AKT3: variants seen among roughly 807,000 people sequenced by gnomAD.
AKT3 encodes RAC-gamma serine/threonine-protein kinase.
A neutral mutation model predicts 65.3 loss-of-function variants in AKT3; 15 were observed. That is an observed-to-expected ratio of 0.23 (90% confidence interval 0.15 to 0.35). The LOEUF is 0.35. Ranked by LOEUF, AKT3 falls within the 10% of genes least tolerant of loss-of-function variation. The pLI, the probability that AKT3 is intolerant of heterozygous loss-of-function variation, is 1.00. For synonymous variants in AKT3, 206 were observed against 183.8 expected, an observed-to-expected ratio of 1.12 and a Z score of -0.98; for missense variants, 243 against 576.5, an observed-to-expected ratio of 0.42 and a Z score of 5.92.
At chr1:243,786,348 G>C (rs993008888) in intron 2 of AKT3, among the ~76,000 whole-genome samples, 2 of 152,114 alleles carry the variant, frequency 1.3e-5, no homozygotes, top group African/African-American at 4.8e-5. Context: ...GAAAATAGAA[G>C]TAAAAATTTC....
At chr1:243,789,063 A>T (rs891777904) in intron 2 of AKT3, among the ~76,000 whole-genome samples, 7 of 152,200 alleles carry the variant, frequency 4.6e-5, no homozygotes, top group African/African-American at 1.7e-4. Flanking sequence ...TCAAGAAACC[A>T]CCTACTTTGC....
At chr1:243,653,414 G>A (rs1244378607) in intron 4 of AKT3, among the ~76,000 whole-genome samples, 1 of 152,100 alleles carries the variant, frequency 6.6e-6, no homozygotes, top group African/African-American at 2.4e-5. Context: ...TTCTACCAGA[G>A]GTACAAAGAG....
chr1:243,560,217 T>C (rs1026148006), intron 10 of AKT3, among the ~76,000 whole-genome samples: 28 of 152,270 alleles, frequency 1.8e-4, no homozygotes, highest in African/African-American at 6.7e-4. Context: ...CAGTAATAAC[T>C]GTTTTCCATG....
chr1:243,642,456 C>A (rs1368609567), intron 5 of AKT3, among the ~76,000 whole-genome samples: 1 of 152,056 alleles, frequency 6.6e-6, no homozygotes, highest in African/African-American at 2.4e-5. Context: ...ACTACAGGCG[C>A]CCGCCACCAC....
At chr1:243,498,127 G>A (rs1433469749), downstream of AKT3, among the ~76,000 whole-genome samples, 4 of 152,230 alleles carry the variant, frequency 2.6e-5, no homozygotes, top group Non-Finnish European at 5.9e-5. Flanking sequence ...TGGAGCAGGG[G>A]TGGAGGGCCA....
intron 2 of AKT3, among the ~76,000 whole-genome samples, chr1:243,770,502 G>A (rs1690111344): frequency 6.6e-6 from 1 of 151,864 alleles, no homozygotes; most frequent in Admixed American, 6.6e-5. Flanking sequence ...ATCCACCAAT[G>A]TGCCTGTCTG....
At chr1:243,738,797 A>T (rs768608160) in intron 2 of AKT3, among the ~76,000 whole-genome samples, 2 of 152,260 alleles carry the variant, frequency 1.3e-5, no homozygotes, top group Non-Finnish European at 2.9e-5. Context: ...CTAAAAAGCA[A>T]ACATTAAAAA....
At chr1:243,633,385 G>C (rs1207427693) in intron 6 of AKT3, among the ~76,000 whole-genome samples, 4 of 152,112 alleles carry the variant, frequency 2.6e-5, no homozygotes, top group Admixed American at 2.6e-4. Flanking sequence ...AGTTTGTGTT[G>C]TAATACCACT....
intron 8 of AKT3, among the ~76,000 whole-genome samples, chr1:243,588,418 T>C (rs1675957642): frequency 6.6e-6 from 1 of 152,170 alleles, no homozygotes; most frequent in Non-Finnish European, 1.5e-5. Flanking sequence ...AAACCTGAAC[T>C]TACACGAACA....
intron 2 of AKT3, among the ~76,000 whole-genome samples, chr1:243,838,022 C>T (rs1695002001): frequency 6.6e-6 from 1 of 151,786 alleles, no homozygotes; most frequent in South Asian, 2.1e-4. Flanking sequence ...TTTCATGAGA[C>T]TTCAACTTAC....
chr1:243,613,847 G>T, intron 7 of AKT3, 108 bp from the exon 8 acceptor site: 1 of 633,578 alleles, frequency 1.6e-6, no homozygotes, highest in South Asian at 4.7e-5. Context: ...AAGATGAAAA[G>T]AATTGTTATT....
At chr1:243,796,142 C>G (rs921756680) in intron 2 of AKT3, among the ~76,000 whole-genome samples, 4 of 152,338 alleles carry the variant, frequency 2.6e-5, no homozygotes, top group East Asian at 1.9e-4. Flanking sequence ...CACTACCTGT[C>G]CATCTGCTTA....
chr1:243,671,805 G>C (rs1361978422), intron 3 of AKT3, among the ~76,000 whole-genome samples: 1 of 152,114 alleles, frequency 6.6e-6, no homozygotes, highest in African/African-American at 2.4e-5. Flanking sequence ...CAAGACTCAG[G>C]CAAGCTAAAT....
intron 13 of AKT3, among the ~76,000 whole-genome samples, chr1:243,509,662 G>A (rs1455759790): frequency 6.6e-6 from 1 of 151,984 alleles, no homozygotes; most frequent in Non-Finnish European, 1.5e-5. Context: ...TGCTGCGTTG[G>A]GCCTATCATC....
chr1:243,564,918 A>G lies in AKT3; in HGVS notation c.820-1070T>C, dbSNP rs962817985. ...AGAATGTACCTGGACTCTGAAGTTA[A>G]TATCAAATTTAAAACAGATCTCCAC... On this transcript the variant is annotated intron_variant, in intron 9 of 13. Transcript: ENST00000673466. 5.3e-5 allele frequency among the ~76,000 whole-genome samples: 8 copies of G among 151,874 alleles called. No individual in the cohort carries two copies. In the South Asian group the frequency reaches 1.7e-3, roughly 32 times the overall value.
chr1:243,737,858 A>G lies in AKT3; in HGVS notation c.47-42142T>C, dbSNP rs928976892. On this transcript the variant is annotated intron_variant, in intron 2 of 13. Coordinates refer to ENST00000673466, the MANE Select transcript of AKT3 (RefSeq NM_005465.7). ...ATCACATATAAAATTGATCTAGACT[A>G]AAGTAGGATGCACTTGTAAATTATG... 8.5e-5 allele frequency among the ~76,000 whole-genome samples: 13 copies of G among 152,218 alleles called. No individual in the cohort carries two copies. In the East Asian group the frequency reaches 1.9e-3, roughly 23 times the overall value.
In AKT3 at chr1:243,807,331, A is replaced by T. The variant is rs1306094919; in HGVS notation, c.46+35794T>A. On this transcript the variant is annotated intron_variant, in intron 2 of 13. Transcript: ENST00000673466. ...GCACCTGGAAAATCGGGTCACTCCCACCCTAATACTGCGCTTTTCCAACGG... is the reference window on the plus strand; with the variant it reads ...GCACCTGGAAAATCGGGTCACTCCCTCCCTAATACTGCGCTTTTCCAACGG... Among the ~76,000 whole-genome samples, 4 of 152,194 alleles carry T rather than the reference A, an allele frequency of 2.6e-5. 1 individual carries two copies. The East Asian group carries it at 7.7e-4, about 29-fold the overall frequency.
intron 2 of AKT3, among the ~76,000 whole-genome samples, chr1:243,731,174 TGTAA>T (rs374479085): frequency 1.1e-3 from 165 of 152,292 alleles, no homozygotes; most frequent in African/African-American, 3.8e-3. Flanking sequence ...AACTCTTATA[TGTAA>T]GTATCTACCA....
chr1:243,530,535 G>T (rs1671453214), intron 12 of AKT3, among the ~76,000 whole-genome samples: 1 of 152,136 alleles, frequency 6.6e-6, no homozygotes, highest in Non-Finnish European at 1.5e-5. Context: ...TGTTAAGAAG[G>T]AAGTTTATAG....
Sources: gnomAD v4.1 joint callset for allele counts (sites outside exome capture counted in the v4.1 genomes callset) on GRCh38, gnomAD v4.1.1 for gene constraint, MANE v1.5 for transcripts, NCBI Gene and HGNC (gene_info 2026-07-23, HGNC 2026-07-21) for gene names.